The following RBFOX1 variants were observed in gnomAD, a reference collection of about 807,000 sequenced individuals.
The protein encoded by RBFOX1 is RNA binding fox-1 homolog 1, also known as RNA binding protein fox-1 homolog 1.
RBFOX1 carries 8 observed loss-of-function variants against 57.7 expected under a neutral mutation model. That is an observed-to-expected ratio of 0.14 (90% CI 0.08 to 0.25). RBFOX1 has a LOEUF of 0.25. Ranked by LOEUF, RBFOX1 falls within the 10% of genes least tolerant of loss-of-function variation. The pLI is 1.00. For synonymous variants in RBFOX1, 326 were observed against 222.4 expected, an observed-to-expected ratio of 1.47 and a Z score of -4.15; for missense variants, 611 against 548.5, an observed-to-expected ratio of 1.11 and a Z score of -1.14.
intron 3 of RBFOX1, among the ~76,000 whole-genome samples, chr16:6,677,208 C>G (rs556863935): frequency 1.2e-4 from 19 of 152,182 alleles, no homozygotes; most frequent in African/African-American, 3.4e-4. Context: ...AGTGGCAGGA[C>G]TACAACTAGA....
At chr16:6,758,039 C>A (rs1009139292) in intron 3 of RBFOX1, among the ~76,000 whole-genome samples, 1 of 152,116 alleles carries the variant, frequency 6.6e-6, no homozygotes, top group African/African-American at 2.4e-5. Context: ...TTTAAGAAGT[C>A]AGTCCAAACT....
intron 2 of RBFOX1, among the ~76,000 whole-genome samples, chr16:6,611,729 C>T (rs189044359): frequency 4.6e-5 from 7 of 152,236 alleles, no homozygotes; most frequent in Non-Finnish European, 7.4e-5. Flanking sequence ...CAGTAGAGGG[C>T]GTGAGTGGAA....
chr16:5,600,364 C>T (rs1405536147), downstream of RBFOX1, among the ~76,000 whole-genome samples: 1 of 150,326 alleles, frequency 6.7e-6, no homozygotes, highest in African/African-American at 2.5e-5. Flanking sequence ...TGTGCGCCTG[C>T]AGTCTCAGAC....
At chr16:7,025,765 G>C (rs2040725725) in intron 3 of RBFOX1, among the ~76,000 whole-genome samples, 1 of 152,070 alleles carries the variant, frequency 6.6e-6, no homozygotes, top group Non-Finnish European at 1.5e-5. Flanking sequence ...GGGAATCCTA[G>C]GTACTGAGAG....
At chr16:6,625,116 G>C (rs181142719) in intron 2 of RBFOX1, among the ~76,000 whole-genome samples, 1 of 117,934 alleles carries the variant, frequency 8.5e-6, no homozygotes, top group East Asian at 2.9e-4. Flanking sequence ...AGTGAGTCAA[G>C]ATCGTGCCAT....
intron 5 of RBFOX1, among the ~76,000 whole-genome samples, chr16:7,538,483 T>A (rs2082080616): frequency 1.3e-5 from 2 of 152,156 alleles, no homozygotes; most frequent in African/African-American, 4.8e-5. Context: ...AGATCATACA[T>A]TCGAAATTAT....
chr16:5,550,463 A>AG (rs1567220099), intron 2 of RBFOX1, among the ~76,000 whole-genome samples: 2 of 152,148 alleles, frequency 1.3e-5, no homozygotes, highest in Admixed American at 6.5e-5. Flanking sequence ...GAGGCTGCCC[A>AG]GGGGGGCAGT....
At chr16:7,216,189 A>G (rs1006829918) in intron 4 of RBFOX1, among the ~76,000 whole-genome samples, 8 of 152,176 alleles carry the variant, frequency 5.3e-5, no homozygotes, top group African/African-American at 1.7e-4. Context: ...TAGTTGGTAG[A>G]TAATTGGGTT....
chr16:6,151,783 C>G (rs1009104300), intron 1 of RBFOX1, among the ~76,000 whole-genome samples: 1 of 152,162 alleles, frequency 6.6e-6, no homozygotes, highest in Non-Finnish European at 1.5e-5. Context: ...TGTTTTAGGT[C>G]TCACTTCTTT....
intron 2 of RBFOX1, among the ~76,000 whole-genome samples, chr16:5,563,115 A>G (rs145712633): frequency 4.2e-3 from 645 of 152,234 alleles, no homozygotes; most frequent in Non-Finnish European, 7.5e-3. Context: ...ATGTCTGGCT[A>G]ATTTTTGCAT....
chr16:6,248,253 G>A (rs894846788), intron 1 of RBFOX1, among the ~76,000 whole-genome samples: 3 of 152,172 alleles, frequency 2.0e-5, no homozygotes, highest in Admixed American at 2.0e-4. Context: ...GGAACTGGGG[G>A]TGGGAGGAGA....
chr16:5,553,542 C>A (rs2045549901), intron 2 of RBFOX1, among the ~76,000 whole-genome samples: 1 of 152,074 alleles, frequency 6.6e-6, no homozygotes, highest in African/African-American at 2.4e-5. Flanking sequence ...GTCTCAATCT[C>A]CTGACTTCGT....
chr16:6,538,581 C>T (rs2096766948), intron 2 of RBFOX1, among the ~76,000 whole-genome samples: 1 of 152,146 alleles, frequency 6.6e-6, no homozygotes, highest in Non-Finnish European at 1.5e-5. Context: ...ATAGTAATAA[C>T]AGAAGGTAAC....
chr16:7,356,007 T>G (rs1459462905), intron 4 of RBFOX1, among the ~76,000 whole-genome samples: 2 of 152,182 alleles, frequency 1.3e-5, no homozygotes, highest in Non-Finnish European at 2.9e-5. Context: ...GCACTGTGCT[T>G]TATTGGTTTG....
intron 1 of RBFOX1, among the ~76,000 whole-genome samples, chr16:6,090,666 C>T (rs146712358): frequency 1.3e-5 from 2 of 152,206 alleles, no homozygotes; most frequent in Admixed American, 6.5e-5. Flanking sequence ...TCTGAACACA[C>T]CTGTGAAAGC....
intron 2 of RBFOX1, among the ~76,000 whole-genome samples, chr16:6,644,028 AG>A (rs1445310721): frequency 6.6e-6 from 1 of 152,168 alleles, no homozygotes; most frequent in Non-Finnish European, 1.5e-5. Context: ...AGGTAGGCTG[AG>A]GCAGGAGAAT....
intron 4 of RBFOX1, among the ~76,000 whole-genome samples, chr16:7,151,100 C>G (rs1402681014): frequency 6.6e-6 from 1 of 152,150 alleles, no homozygotes; most frequent in Non-Finnish European, 1.5e-5. Context: ...CTTTCAGGAA[C>G]TGTTTTATTA....
chr16:7,616,082 ATT>A (rs2058391226), intron 10 of RBFOX1, among the ~76,000 whole-genome samples: 1 of 152,220 alleles, frequency 6.6e-6, no homozygotes, highest in Non-Finnish European at 1.5e-5. Flanking sequence ...ATAAACTTTG[ATT>A]TGATACCACA....
At chr16:7,036,673 A>G (rs952509962) in intron 3 of RBFOX1, among the ~76,000 whole-genome samples, 11 of 152,058 alleles carry the variant, frequency 7.2e-5, no homozygotes, top group Non-Finnish European at 5.9e-5. Context: ...AGCCTCGTCG[A>G]AAGAGCAAAA....
Sources: allele counts gnomAD v4.1 joint callset (sites outside exome capture counted in the v4.1 genomes callset), GRCh38; gene constraint gnomAD v4.1.1; transcripts MANE v1.5; gene names NCBI Gene and HGNC (gene_info 2026-07-23, HGNC 2026-07-21).